Variants in ZNF717 observed in about 807,000 individuals in gnomAD.
The protein encoded by ZNF717 is zinc finger protein 717.
ZNF717 carries 9 observed loss-of-function variants against 13.8 expected under a neutral mutation model. That is an observed-to-expected ratio of 0.65 (90% CI 0.39 to 1.14). ZNF717 has a LOEUF of 1.14. ZNF717 is among the 50% of genes most tolerant of loss of function. The pLI is 0.01. For missense variants in ZNF717, 1,040 were observed against 1,080.7 expected, an observed-to-expected ratio of 0.96 and a Z score of 0.53; for synonymous variants, 327 against 364.1, an observed-to-expected ratio of 0.90 and a Z score of 1.16.
At chr3:75,765,713 A>G (rs1409880819) in intron 2 of ZNF717, among the ~76,000 whole-genome samples, 1 of 152,200 alleles carries the variant, frequency 6.6e-6, no homozygotes, top group Non-Finnish European at 1.5e-5. Context: ...TGCCCAGCCT[A>G]TAAAAAATTA....
downstream of ZNF717, among the ~76,000 whole-genome samples, chr3:75,732,827 A>G (rs79365501): frequency 6.6e-6 from 1 of 152,268 alleles, no homozygotes; most frequent in African/African-American, 2.4e-5. Context: ...ATATCTAGGA[A>G]TAAAGAAAAA....
chr3:75,775,920 C>A (rs62269661), intron 2 of ZNF717, among the ~76,000 whole-genome samples: 4 of 151,988 alleles, frequency 2.6e-5, no homozygotes, highest in African/African-American at 9.7e-5. Flanking sequence ...ACTGCTAACC[C>A]AAGTAAAACA....
At chr3:75,752,642 T>C (rs1321527704) in intron 2 of ZNF717, among the ~76,000 whole-genome samples, 1 of 149,896 alleles carries the variant, frequency 6.7e-6, no homozygotes, top group Non-Finnish European at 1.5e-5. Flanking sequence ...TTAATGTTTT[T>C]TAATCACATA....
At chr3:75,733,891 A>T (rs74281644), downstream of ZNF717, among the ~76,000 whole-genome samples, 925 of 131,946 alleles carry the variant, frequency 7.0e-3, no homozygotes, top group South Asian at 9.2e-3. Flanking sequence ...ACCATCAACT[A>T]AGATTTCAGT....
At chr3:75,783,806 A>G (rs9861318) in intron 1 of ZNF717, among the ~76,000 whole-genome samples, 54 of 152,340 alleles carry the variant, frequency 3.5e-4, no homozygotes, top group African/African-American at 1.2e-3. Flanking sequence ...TTGCTTTTCT[A>G]TACCTGAACA....
intron 6 of ZNF717, among the ~76,000 whole-genome samples, chr3:75,701,433 A>T (rs115239297): frequency 3.3e-5 from 5 of 152,300 alleles, no homozygotes; most frequent in African/African-American, 9.6e-5. Context: ...CATTTTGGGA[A>T]GCCGAGGCTG....
At chr3:75,755,531 T>C (rs1398975376) in intron 2 of ZNF717, among the ~76,000 whole-genome samples, 1 of 152,166 alleles carries the variant, frequency 6.6e-6, no homozygotes, top group Non-Finnish European at 1.5e-5. Flanking sequence ...TATGTATGCT[T>C]ATACACAAGT....
chr3:75,725,214 T>TTTG (rs1276862908), downstream of ZNF717, among the ~76,000 whole-genome samples: 188 of 145,030 alleles, frequency 1.3e-3, no homozygotes, highest in African/African-American at 4.6e-3. Context: ...CAGCCTGCAC[T>TTTG]CCTCTCACTT....
At chr3:75,769,490 G>A (rs1943737525) in intron 2 of ZNF717, among the ~76,000 whole-genome samples, 1 of 152,184 alleles carries the variant, frequency 6.6e-6, no homozygotes, top group South Asian at 2.1e-4. Context: ...TATGTAAAAG[G>A]ATAAATTCCT....
chr3:75,783,043 G>A (rs10049424), intron 2 of ZNF717, among the ~76,000 whole-genome samples: 106,949 of 152,202 alleles, frequency 0.7, 38,666 homozygotes, highest in African/African-American at 0.87. Context: ...TGCTCTCTTC[G>A]CGGGTTCCAT....
At chr3:75,773,115 G>A (rs543382816) in intron 2 of ZNF717, among the ~76,000 whole-genome samples, 280 of 152,234 alleles carry the variant, frequency 1.8e-3, no homozygotes, top group African/African-American at 6.0e-3. Flanking sequence ...ATATTGGAAC[G>A]GTTGTAAAAT....
chr3:75,782,435 T>C (rs1944887048), intron 2 of ZNF717, among the ~76,000 whole-genome samples: 1 of 152,210 alleles, frequency 6.6e-6, no homozygotes, highest in African/African-American at 2.4e-5. Context: ...GACCACACTC[T>C]TTGAGCAAGG....
chr3:75,757,837 G>T (rs934704812), intron 2 of ZNF717, among the ~76,000 whole-genome samples: 1 of 151,912 alleles, frequency 6.6e-6, no homozygotes, highest in Non-Finnish European at 1.5e-5. Flanking sequence ...AGTTGGGGCC[G>T]GGCATGGTGG....
At chr3:75,718,823 C>T (rs1177478914) in intron 4 of ZNF717, among the ~76,000 whole-genome samples, 3 of 152,174 alleles carry the variant, frequency 2.0e-5, no homozygotes, top group African/African-American at 7.2e-5. Flanking sequence ...CACTCACCTC[C>T]TGATGTGCAG....
chr3:75,738,259 T>C lies in ZNF717; in HGVS notation c.1364A>G (p.Glu455Gly), dbSNP rs1170627152. 11 of 1,541,194 alleles carry C rather than the reference T, an allele frequency of 7.1e-6. No homozygotes were observed. Among genetic ancestry groups the C allele is most frequent in the Non-Finnish European group, 9.7e-6 (11 of 1,137,886 alleles). The change falls in exon 5 of 5, where the codon GAG (glutamate) becomes GGG (glycine). Residue 455 changes from glutamate to glycine, a missense_variant. By Grantham distance (98) the Glu-to-Gly change is moderately conservative (BLOSUM62 -2). Coordinates refer to ENST00000652011, the MANE Select transcript of ZNF717 (RefSeq NM_001290208.3). Reference sequence around the variant, plus strand: ...CTTATTGATAAAGGGTTTTCCACACTCATTACATTCATACGGTTTTTCCCC... The same window carrying C: ...CTTATTGATAAAGGGTTTTCCACACCCATTACATTCATACGGTTTTTCCCC... ...HTGEKPYECN[E>G]CGKPFINKSN... is the part of the protein sequence containing the mutation.
downstream of ZNF717, among the ~76,000 whole-genome samples, chr3:75,728,799 T>A (rs1374757551): frequency 6.6e-6 from 1 of 152,226 alleles, no homozygotes; most frequent in Non-Finnish European, 1.5e-5. Context: ...GAGTATTTCT[T>A]CAGAGCAGTA....
intron 2 of ZNF717, among the ~76,000 whole-genome samples, chr3:75,748,902 T>C (rs1444715723): frequency 6.6e-6 from 1 of 152,174 alleles, no homozygotes; most frequent in Non-Finnish European, 1.5e-5. Flanking sequence ...GGTCAAATTG[T>C]CCCTGTTTGC....
At chr3:75,723,905 CG>C (rs1938221047) in intron 4 of ZNF717, among the ~76,000 whole-genome samples, 1 of 152,192 alleles carries the variant, frequency 6.6e-6, no homozygotes, top group South Asian at 2.1e-4. Flanking sequence ...CGCAGCCATC[CG>C]GAGGCCTGTC....
intron 2 of ZNF717, among the ~76,000 whole-genome samples, chr3:75,778,799 T>C (rs559358890): frequency 1.5e-5 from 2 of 135,780 alleles, no homozygotes; most frequent in Non-Finnish European, 3.1e-5. Context: ...ACAATGGGAG[T>C]GATATGCTAA....
Sources: gnomAD v4.1 joint callset for allele counts (sites outside exome capture counted in the v4.1 genomes callset) on GRCh38, gnomAD v4.1.1 for gene constraint, MANE v1.5 for transcripts, NCBI Gene and HGNC (gene_info 2026-07-23, HGNC 2026-07-21) for gene names.